PLCB1: variants seen among roughly 807,000 people sequenced by gnomAD.
PLCB1 encodes phospholipase C beta 1, also known as 1-phosphatidylinositol 4,5-bisphosphate phosphodiesterase beta-1.
A neutral mutation model predicts 161.8 loss-of-function variants in PLCB1; 46 were observed. That is an observed-to-expected ratio of 0.28 (90% CI 0.22 to 0.36). PLCB1 has a LOEUF of 0.36. PLCB1 is among the 10% of genes least tolerant of loss of function. The probability of loss-of-function intolerance (pLI) is 1.00; values close to 1 mark genes in which losing one functional copy is unlikely to be tolerated. For synonymous variants in PLCB1, 517 were observed against 503.7 expected (o/e 1.03, Z -0.35); for missense variants, 1,016 against 1,472.5 (o/e 0.69, Z 5.07).
intron 31 of PLCB1, among the ~76,000 whole-genome samples, chr20:8,793,443 G>A (rs927998620): frequency 2.0e-5 from 3 of 152,086 alleles, no homozygotes; most frequent in Admixed American, 6.6e-5. Flanking sequence ...TTTTTCCTAA[G>A]CATCGGCTGG....
chr20:8,730,355 T>C (rs1055653431), intron 18 of PLCB1, among the ~76,000 whole-genome samples: 1 of 151,722 alleles, frequency 6.6e-6, no homozygotes, highest in East Asian at 1.9e-4. Context: ...ATCATCCCAC[T>C]GAACTGGAAT....
intron 3 of PLCB1, among the ~76,000 whole-genome samples, chr20:8,622,023 C>T (rs1391170961): frequency 2.6e-5 from 4 of 151,980 alleles, no homozygotes; most frequent in East Asian, 1.9e-4. Flanking sequence ...TTTGGGAGGC[C>T]GAGGCAGGCG....
chr20:8,559,601 G>T (rs1000471542), intron 3 of PLCB1, among the ~76,000 whole-genome samples: 3 of 151,908 alleles, frequency 2.0e-5, no homozygotes, highest in Non-Finnish European at 4.4e-5. Context: ...ATACAAACAG[G>T]TTGAAAGTGA....
chr20:8,547,890 A>G (rs921223674), intron 3 of PLCB1, among the ~76,000 whole-genome samples: 7 of 152,112 alleles, frequency 4.6e-5, no homozygotes, highest in African/African-American at 1.7e-4. Flanking sequence ...TCTACAGACC[A>G]TTTGTTCTAA....
chr20:8,701,318 G>T (rs182965640), intron 11 of PLCB1, among the ~76,000 whole-genome samples: 4 of 152,254 alleles, frequency 2.6e-5, no homozygotes. Context: ...GCTGTGCCAG[G>T]CTGGCCCCGC....
rs111881792 is a variant in PLCB1, at chr20:8,415,043, C to G, written c.246+43593C>G. ...CACCCATTCAGAAACACTGAGAATTCTTTATTGTTATCATGGGTGAGTGAA... is the reference window on the plus strand; with the variant it reads ...CACCCATTCAGAAACACTGAGAATTGTTTATTGTTATCATGGGTGAGTGAA... On this transcript the variant is annotated intron_variant, in intron 3 of 31. Coordinates refer to ENST00000338037, the MANE Select transcript of PLCB1 (RefSeq NM_015192.4). Among the ~76,000 whole-genome samples, 234 of 152,316 alleles carry G rather than the reference C, an allele frequency of 1.5e-3. 2 individuals carry two copies. The highest frequency in any genetic ancestry group is 5.4e-3 in the African/African-American group (226 of 41,574).
chr20:8,465,101 G>A (rs1362481797), intron 3 of PLCB1, among the ~76,000 whole-genome samples: 2 of 152,010 alleles, frequency 1.3e-5, no homozygotes. Context: ...ATGGGTTGAA[G>A]TTGTTTGTTA....
At chr20:8,508,742 A>G (rs1983750677) in intron 3 of PLCB1, among the ~76,000 whole-genome samples, 1 of 152,184 alleles carries the variant, frequency 6.6e-6, no homozygotes, top group African/African-American at 2.4e-5. Flanking sequence ...TTATTTAAAA[A>G]TAAGTAATAA....
intron 31 of PLCB1, among the ~76,000 whole-genome samples, chr20:8,802,651 TC>T (rs1354167906): frequency 3.3e-5 from 5 of 152,150 alleles, no homozygotes; most frequent in African/African-American, 1.2e-4. Context: ...ACCACAGCCC[TC>T]CTTTTGGAAG....
At chr20:8,861,794 C>G (rs1600100791) in intron 31 of PLCB1, among the ~76,000 whole-genome samples, 1 of 147,716 alleles carries the variant, frequency 6.8e-6, no homozygotes, top group African/African-American at 2.5e-5. Flanking sequence ...TTATAAAAAT[C>G]TAGAACTTAA....
At chr20:8,751,474 C>G (rs1159733242) in intron 23 of PLCB1, 1 of 152,152 alleles carries the variant, frequency 6.6e-6, no homozygotes, top group African/African-American at 2.4e-5. Flanking sequence ...TTCTATAGAA[C>G]TTATAAAAAT....
At chr20:8,879,320 T>A (rs991471848) in intron 31 of PLCB1, among the ~76,000 whole-genome samples, 4 of 151,518 alleles carry the variant, frequency 2.6e-5, no homozygotes, top group Non-Finnish European at 4.4e-5. Context: ...AACAAGTCAT[T>A]TAAACTAGAT....
Position 8,509,581 on chromosome 20 carries a change from G to GT in PLCB1, c.247-118707dup, listed in dbSNP as rs73616197. 4.2e-4 allele frequency among the ~76,000 whole-genome samples: 64 copies of GT among 152,170 alleles called. No individual in the cohort carries two copies. In the East Asian group the frequency reaches 0.012, roughly 28 times the overall value. On this transcript the variant is annotated intron_variant, in intron 3 of 31. Coordinates refer to ENST00000338037, the MANE Select transcript of PLCB1 (RefSeq NM_015192.4). ...GGATATTTCAGTGGCTAAACCCAAA[G>GT]TTTTTTAGCATTTAGACTATGGCAC...
chr20:8,191,772 A>G (rs2051973372), intron 2 of PLCB1, among the ~76,000 whole-genome samples: 1 of 152,066 alleles, frequency 6.6e-6, no homozygotes, highest in Admixed American at 6.6e-5. Context: ...ATCCAAATAC[A>G]TATTAGATGA....
At chr20:8,586,356 G>GT (rs11479321) in intron 3 of PLCB1, among the ~76,000 whole-genome samples, 92 of 147,386 alleles carry the variant, frequency 6.2e-4, no homozygotes, top group East Asian at 2.4e-3. Flanking sequence ...ATTTATTATG[G>GT]TTTTTTTTTT....
At chr20:8,512,353 T>G (rs146936994) in intron 3 of PLCB1, among the ~76,000 whole-genome samples, 29 of 152,306 alleles carry the variant, frequency 1.9e-4, no homozygotes, top group African/African-American at 5.5e-4. Flanking sequence ...GTAATTTTCA[T>G]GTATTTCACA....
At chr20:8,441,469 A>G (rs1221310373) in intron 3 of PLCB1, among the ~76,000 whole-genome samples, 1 of 152,248 alleles carries the variant, frequency 6.6e-6, no homozygotes, top group Non-Finnish European at 1.5e-5. Flanking sequence ...TGCAAAGATA[A>G]TCTGATCACA....
At chr20:8,391,795 A>G (rs71330235) in intron 3 of PLCB1, among the ~76,000 whole-genome samples, 17,126 of 119,956 alleles carry the variant, frequency 0.14, 1,487 homozygotes, top group Non-Finnish European at 0.19. Flanking sequence ...GTATATATAT[A>G]TATATATATA....
intron 2 of PLCB1, among the ~76,000 whole-genome samples, chr20:8,154,785 G>A (rs1159354562): frequency 2.0e-5 from 3 of 152,034 alleles, no homozygotes; most frequent in African/African-American, 7.2e-5. Context: ...ACAGTTCTCT[G>A]TGTATTCTAG....
Sources: gnomAD v4.1 joint callset for allele counts (sites outside exome capture counted in the v4.1 genomes callset) on GRCh38, gnomAD v4.1.1 for gene constraint, MANE v1.5 for transcripts, NCBI Gene and HGNC (gene_info 2026-07-23, HGNC 2026-07-21) for gene names.